The following MYLK variants were observed in gnomAD, a reference collection of about 807,000 sequenced individuals.
MYLK encodes the protein myosin light chain kinase.
MYLK carries 106 observed loss-of-function variants against 203.4 expected under a neutral mutation model. The ratio of observed to expected loss-of-function variants is 0.52; its 90% CI spans 0.45 to 0.61. The LOEUF (loss-of-function observed/expected upper bound fraction) is 0.61. MYLK is among the 20% of genes least tolerant of loss of function. The pLI, the probability that MYLK is intolerant of heterozygous loss-of-function variation, is 0.00. For missense variants in MYLK, 2,072 were observed against 2,442.3 expected, an observed-to-expected ratio of 0.85 and a Z score of 3.20; for synonymous variants, 867 against 959.5, an observed-to-expected ratio of 0.90 and a Z score of 1.78.
intron 5 of MYLK, among the ~76,000 whole-genome samples, chr3:123,750,784 C>G (rs1180198528): frequency 6.6e-6 from 1 of 152,226 alleles, no homozygotes; most frequent in Non-Finnish European, 1.5e-5. Flanking sequence ...GAAAGCACAG[C>G]ACCAGGATGG....
In MYLK at chr3:123,700,631, T is replaced by C. The variant is rs1560095492; in HGVS notation, c.2837A>G (p.His946Arg). The C allele has an allele frequency of 1.9e-6, 3 of 1,613,920 alleles. No individual in the cohort carries two copies. The highest frequency in any genetic ancestry group is 2.5e-6 in the Non-Finnish European group (3 of 1,180,046). Residue 946 changes from histidine (H) to arginine (R), a missense_variant, in exon 18 of 34, where the codon CAC becomes CGC. By Grantham distance (29) the His-to-Arg change is conservative. Around this residue, in one of 3 missense-constraint regions of MYLK, gnomAD observed 865 missense variants for 1,016.0 expected, o/e 0.85. Transcript: ENST00000360304. ...GCGAAAATCGACCTGCTGGGGGCTGTGCACCTTCCTCTCTTCCTCAGACAC... is the reference window on the plus strand; with the variant it reads ...GCGAAAATCGACCTGCTGGGGGCTGCGCACCTTCCTCTCTTCCTCAGACAC... ...KTVSEEERKVHSPQQVDFRSV... is the reference protein window; with the variant it reads ...KTVSEEERKVRSPQQVDFRSV...
At chr3:123,850,414 T>A (rs1173996047) in intron 2 of MYLK, among the ~76,000 whole-genome samples, 1 of 152,234 alleles carries the variant, frequency 6.6e-6, no homozygotes, top group Non-Finnish European at 1.5e-5. Context: ...TGTTGTTTCT[T>A]GACTTTTTAA....
chr3:123,779,138 C>G (rs2064192271), intron 4 of MYLK, among the ~76,000 whole-genome samples: 1 of 152,180 alleles, frequency 6.6e-6, no homozygotes, highest in Non-Finnish European at 1.5e-5. Context: ...TTCCCCACTC[C>G]TTTCGGGACT....
intron 2 of MYLK, among the ~76,000 whole-genome samples, chr3:123,850,392 C>A (rs1021902806): frequency 1.3e-5 from 2 of 152,232 alleles, no homozygotes; most frequent in Admixed American, 6.5e-5. Flanking sequence ...TCTCCACATC[C>A]TCTCTAGCAC....
intron 2 of MYLK, among the ~76,000 whole-genome samples, chr3:123,833,863 G>A (rs1221162903): frequency 1.3e-5 from 2 of 152,024 alleles, no homozygotes; most frequent in Admixed American, 1.3e-4. Context: ...TGTCAAATGA[G>A]GACACGAAGC....
intron 4 of MYLK, among the ~76,000 whole-genome samples, chr3:123,787,415 G>T (rs1004163851): frequency 6.6e-6 from 1 of 152,080 alleles, no homozygotes; most frequent in African/African-American, 2.4e-5. Flanking sequence ...AGAAGTACAC[G>T]GCCAAATCCT....
chr3:123,866,813 T>C (rs2032361424), intron 2 of MYLK, among the ~76,000 whole-genome samples: 2 of 152,094 alleles, frequency 1.3e-5, no homozygotes, highest in African/African-American at 4.8e-5. Context: ...CCTGTTAGAA[T>C]TATATAATGC....
rs775981988 is a variant in MYLK, at chr3:123,666,180, TCCCAGCACC to T, written c.3831+30_3831+38del. 20 of 1,614,038 alleles carry T rather than the reference TCCCAGCACC, an allele frequency of 1.2e-5. No homozygotes were observed. The African/African-American group carries it at 2.5e-4, about 20-fold the overall frequency. On this transcript the variant is annotated intron_variant, in intron 22 of 33. Transcript: ENST00000360304. ...TCGGTCCAAAGGCTGTACGGATTAT[TCCCAGCACC>T]CCCAGTGCCCACCCCATACCGTCAC...
At position 123,657,141 on chromosome 3, in the gene MYLK, C is replaced by G. The variant is rs1444729918; in HGVS notation, c.4273G>C (p.Gly1425Arg). The change falls in exon 24 of 34, where the codon GGA becomes CGA. Residue 1425 changes from glycine to arginine, a missense_variant. Physicochemically the swap from Gly to Arg is moderately radical, Grantham distance 125 (BLOSUM62 -2). Coordinates refer to ENST00000360304, the MANE Select transcript of MYLK (RefSeq NM_053025.4). ...PSQESELTTVGEKPEEPKDEV... is the reference protein window; with the variant it reads ...PSQESELTTVREKPEEPKDEV... ...GGCAGCCTACCTTCAGGTTTCTCTC[C>G]TACCGTTGTGAGTTCAGACTCCTGG... The G allele has an allele frequency of 1.2e-6, 2 of 1,614,078 alleles. No individual in the cohort carries two copies. Among genetic ancestry groups the G allele is most frequent in the Non-Finnish European group, 1.7e-6 (2 of 1,180,046 alleles).
intron 23 of MYLK, chr3:123,659,546 A>G: frequency 2.2e-5 from 7 of 316,700 alleles, no homozygotes; most frequent in South Asian, 1.6e-4. Flanking sequence ...TTCAGAAAAG[A>G]CCCAAGTCAG....
chr3:123,638,006 C>G (rs1316121919), intron 29 of MYLK, 65 bp downstream of exon 29: 1 of 1,608,554 alleles, frequency 6.2e-7, no homozygotes, highest in East Asian at 2.2e-5. Context: ...TCCTGTGGAA[C>G]CCTCAGCCCC....
In MYLK at chr3:123,659,657, A is replaced by G. The variant is rs200787830; in HGVS notation, c.3986-2229T>C. ...TCTTTCTAAGCTATGAGCCCCATGC[A>G]GTGGCTGAACTAGTAAAGGGATGAA... On this transcript the variant is annotated intron_variant, in intron 23 of 33. Transcript: ENST00000360304. 1.1e-3 allele frequency: 565 copies of G among 517,920 alleles called. 1 individual carries two copies. The highest frequency in any genetic ancestry group is 2.0e-3 in the Non-Finnish European group (511 of 259,492). 32.1% of individuals were successfully genotyped at this position (517,920 alleles called of 1,614,324 possible).
intron 19 of MYLK, among the ~76,000 whole-genome samples, chr3:123,682,766 G>A (rs1007719283): frequency 2.6e-5 from 4 of 152,190 alleles, no homozygotes; most frequent in African/African-American, 9.7e-5. Flanking sequence ...CACAGCTTCT[G>A]ATTTCTCTGA....
chr3:123,855,817 T>G (rs114243974), intron 2 of MYLK, among the ~76,000 whole-genome samples: 57 of 152,194 alleles, frequency 3.7e-4, no homozygotes, highest in African/African-American at 1.3e-3. Flanking sequence ...TAGACCCCGA[T>G]CCTGCTTTTT....
rs2061123345 is a variant in MYLK at position 123,700,108 on chromosome 3, C to G, written c.3360G>C (p.Gln1120His). Reference protein sequence around the residue: ...AEGKKLLLQCQVSSDPPATII... With the variant: ...AEGKKLLLQCHVSSDPPATII... ...TGGTGGCTGGGGGGTCAGAAGACACCTGGCACTGGAGCAGCAGCTTCTTGC... is the reference window on the plus strand; with the variant it reads ...TGGTGGCTGGGGGGTCAGAAGACACGTGGCACTGGAGCAGCAGCTTCTTGC... The change falls in exon 18 of 34, where the codon CAG becomes CAC. Residue 1120 changes from glutamine to histidine, a missense_variant. Gln to His is a conservative substitution (Grantham distance 24). Transcript: ENST00000360304. 6.2e-7 allele frequency: 1 copy of G among 1,613,926 alleles called. No individual in the cohort carries two copies. The highest frequency in any genetic ancestry group is 8.5e-7 in the Non-Finnish European group (1 of 1,179,970).
At chr3:123,855,136 TACTC>T (rs10577614) in intron 2 of MYLK, among the ~76,000 whole-genome samples, 13,770 of 152,204 alleles carry the variant, frequency 0.09, 1,528 homozygotes, top group East Asian at 0.44. Flanking sequence ...CTCATGTTGT[TACTC>T]AATTCTGGAA....
intron 4 of MYLK, among the ~76,000 whole-genome samples, chr3:123,782,110 G>A (rs1306497750): frequency 6.6e-6 from 1 of 152,164 alleles, no homozygotes. Flanking sequence ...AAGAAGGAAT[G>A]TGAGACTCGG....
chr3:123,640,514 C>G lies in MYLK; in HGVS notation c.4620-10G>C. 6.2e-7 allele frequency: 1 copy of G among 1,613,682 alleles called. No individual in the cohort carries two copies. The highest frequency in any genetic ancestry group is 8.5e-7 in the Non-Finnish European group (1 of 1,180,022). On this transcript the variant is annotated splice_polypyrimidine_tract_variant and intron_variant, in intron 27 of 33. Coordinates refer to ENST00000360304, the MANE Select transcript of MYLK (RefSeq NM_053025.4). This position sits in a 1 kb window ranked among gnomAD's most constrained non-coding sequence, Gnocchi z 4.3. ...CTCCCCTCCTGACACGCTGCGGGAA[C>G]ACGTGCACGGGGTGGTCAGGCCACA...
intron 3 of MYLK, among the ~76,000 whole-genome samples, chr3:123,811,981 C>A (rs186342385): frequency 6.6e-6 from 1 of 152,316 alleles, no homozygotes; most frequent in Admixed American, 6.5e-5. Flanking sequence ...ATGCTATCAC[C>A]TGGAGCTTTT....
Sources: allele counts gnomAD v4.1 joint callset (sites outside exome capture counted in the v4.1 genomes callset), GRCh38; gene constraint gnomAD v4.1.1; regional missense constraint gnomAD v4.1.1; non-coding constraint Gnocchi (gnomAD v3.1); transcripts MANE v1.5; gene names NCBI Gene and HGNC (gene_info 2026-07-23, HGNC 2026-07-21).